CLASP2: variants seen among roughly 807,000 people sequenced by gnomAD.
CLASP2 encodes CLIP-associating protein 2.
In CLASP2, 47 loss-of-function variants were observed where a neutral mutation model predicts 194.4. That is an observed-to-expected ratio of 0.24 (90% CI 0.19 to 0.31). CLASP2 has a LOEUF of 0.31. Ranked by LOEUF, CLASP2 falls within the 10% of genes least tolerant of loss-of-function variation. CLASP2 has a pLI of 1.00. For synonymous variants in CLASP2, 619 were observed against 633.5 expected (o/e 0.98, Z 0.34); for missense variants, 1,445 against 1,823.6 (o/e 0.79, Z 3.78).
At chr3:33,670,562 G>A (rs2086975095) in intron 6 of CLASP2, among the ~76,000 whole-genome samples, 1 of 152,194 alleles carries the variant, frequency 6.6e-6, no homozygotes, top group African/African-American at 2.4e-5. Context: ...TCTTAGATCT[G>A]TAAGAAAAGT....
At chr3:33,650,984 T>C (rs746582189) in intron 7 of CLASP2, among the ~76,000 whole-genome samples, 44 of 152,336 alleles carry the variant, frequency 2.9e-4, no homozygotes, top group Admixed American at 6.5e-5. Flanking sequence ...TAAACTCATT[T>C]GGTGGCATTA....
At chr3:33,583,916 G>A (rs1210670729) in intron 22 of CLASP2, among the ~76,000 whole-genome samples, 1 of 152,110 alleles carries the variant, frequency 6.6e-6, no homozygotes. Flanking sequence ...AAGAGAGAGT[G>A]AGAGAAAGGG....
chr3:33,577,383 T>A lies in CLASP2; in HGVS notation c.2348-1108A>T, dbSNP rs374105454. ...TGGTGTTATTCTTTATAGTTAATGA[T>A]CAGAGTATTGCCAAATAGGGCAATG... On this transcript the variant is annotated intron_variant, in intron 23 of 38. Transcript: ENST00000682230. The A allele has an allele frequency of 1.5e-5, 11 of 753,726 alleles. 1 individual carries two copies. The highest frequency in any genetic ancestry group is 1.1e-4 in the East Asian group (4 of 35,140). The allele number at this position is 753,726 out of a possible 1,614,324, so 46.7% of individuals were successfully genotyped here.
intron 16 of CLASP2, among the ~76,000 whole-genome samples, chr3:33,606,126 TAC>T (rs1220034186): frequency 6.6e-6 from 1 of 151,938 alleles, no homozygotes; most frequent in Non-Finnish European, 1.5e-5. Flanking sequence ...AGAATGGAGT[TAC>T]AGAGAACTAA....
intron 34 of CLASP2, 84 bp from the exon 35 acceptor site, chr3:33,517,258 C>A: frequency 2.0e-6 from 2 of 997,144 alleles, no homozygotes; most frequent in Non-Finnish European, 1.4e-6. Flanking sequence ...TATGATGAAA[C>A]ACAGATATAA....
intron 26 of CLASP2, among the ~76,000 whole-genome samples, chr3:33,567,083 C>A (rs903060228): frequency 2.0e-5 from 3 of 152,196 alleles, no homozygotes; most frequent in Non-Finnish European, 4.4e-5. Flanking sequence ...CATACTCCCA[C>A]TTCTGAATGG....
chr3:33,678,859 A>T (rs1453429748), intron 6 of CLASP2, among the ~76,000 whole-genome samples: 1 of 152,208 alleles, frequency 6.6e-6, no homozygotes, highest in Admixed American at 6.5e-5. Context: ...TGATCTATGG[A>T]TTCAATGCAA....
intron 29 of CLASP2, among the ~76,000 whole-genome samples, chr3:33,555,826 G>A (rs1384684443): frequency 1.3e-5 from 2 of 152,200 alleles, no homozygotes; most frequent in Non-Finnish European, 2.9e-5. Context: ...GATTCAACTA[G>A]TGCAGTGCCT....
intron 2 of CLASP2, among the ~76,000 whole-genome samples, chr3:33,694,450 A>G (rs1415837824): frequency 6.6e-6 from 1 of 152,202 alleles, no homozygotes; most frequent in Non-Finnish European, 1.5e-5. Flanking sequence ...TCTCTGTAGC[A>G]ATTAATAACA....
Position 33,496,585 on chromosome 3 carries a change from C to T in CLASP2, c.*2046G>A, listed in dbSNP as rs2045811327. 1 of 152,098 alleles carries T rather than the reference C, an allele frequency of 6.6e-6. No homozygotes were observed. The highest frequency in any genetic ancestry group is 1.5e-5 in the Non-Finnish European group (1 of 68,016). 9.4% of individuals were successfully genotyped at this position (152,098 alleles called of 1,614,324 possible). On this transcript the variant is annotated 3_prime_UTR_variant, in exon 39 of 39. Coordinates refer to ENST00000682230, the MANE Select transcript of CLASP2 (RefSeq NM_001365631.1). The stretch of plus-strand genomic sequence containing the variant: ...TGTAGTTAATTCATTTCTTGAGTGC[C>T]TGCCTGCCATTAGATGCCAGGTGCT...
At chr3:33,706,177 C>T (rs1018910463) in intron 1 of CLASP2, among the ~76,000 whole-genome samples, 3 of 151,978 alleles carry the variant, frequency 2.0e-5, no homozygotes, top group Non-Finnish European at 2.9e-5. Context: ...GAGCCCGGGA[C>T]GTCAAGTCTG....
intron 16 of CLASP2, among the ~76,000 whole-genome samples, chr3:33,606,276 TC>T (rs1194998542): frequency 1.3e-5 from 2 of 152,112 alleles, no homozygotes; most frequent in African/African-American, 2.4e-5. Context: ...TTACAATTCC[TC>T]CATTAAATGG....
At chr3:33,637,515 G>A (rs1244439093) in intron 8 of CLASP2, among the ~76,000 whole-genome samples, 1 of 152,064 alleles carries the variant, frequency 6.6e-6, no homozygotes, top group African/African-American at 2.4e-5. Flanking sequence ...GCCTTAGCAA[G>A]AGAGCAAGAC....
At chr3:33,563,524 A>G (rs1471995291) in intron 27 of CLASP2, among the ~76,000 whole-genome samples, 1 of 152,218 alleles carries the variant, frequency 6.6e-6, no homozygotes, top group East Asian at 1.9e-4. Context: ...ACCAGGGTTC[A>G]GTAAACCATT....
At chr3:33,509,643 A>T (rs2049214885) in intron 37 of CLASP2, among the ~76,000 whole-genome samples, 1 of 152,228 alleles carries the variant, frequency 6.6e-6, no homozygotes, top group Non-Finnish European at 1.5e-5. Flanking sequence ...CATAATGATT[A>T]GTTCTCTTTA....
rs1010617258 is a variant in CLASP2 at position 33,551,337 on chromosome 3, T to C, written c.3068A>G (p.Asp1023Gly). Residue 1023 changes from aspartate (D) to glycine (G), a missense_variant, in exon 30 of 39, where the codon GAT becomes GGT. Transcript: ENST00000682230. ...ETLAKQMDPG[D>G]FINSSETRLA... Reference sequence around the variant, plus strand: ...GCGAGTTTCACTGGAATTTATAAAATCTCCTGGATCCATCTGTTTGGCCAG... The same window carrying C: ...GCGAGTTTCACTGGAATTTATAAAACCTCCTGGATCCATCTGTTTGGCCAG... The C allele has an allele frequency of 1.9e-6, 3 of 1,613,640 alleles. No homozygotes were observed. Among genetic ancestry groups the C allele is most frequent in the African/African-American group, 2.7e-5 (2 of 74,880 alleles).
At chr3:33,668,990 C>A (rs1025426524) in intron 6 of CLASP2, among the ~76,000 whole-genome samples, 3 of 152,060 alleles carry the variant, frequency 2.0e-5, no homozygotes, top group Non-Finnish European at 4.4e-5. Context: ...ATGATAAAAC[C>A]CCTATGAAGT....
rs375938796 is a variant in CLASP2 at position 33,524,044 on chromosome 3, A to T, written c.3788-6870T>A. On this transcript the variant is annotated intron_variant, in intron 34 of 38. Transcript: ENST00000682230. Reference sequence around the variant, plus strand: ...GTAATGTAAAAAGTGACAGGCTATAAGGCATACAGAAAACAAATAGCAACA... The same window carrying T: ...GTAATGTAAAAAGTGACAGGCTATATGGCATACAGAAAACAAATAGCAACA... Among the ~76,000 whole-genome samples, 5 of 152,216 alleles carry T rather than the reference A, an allele frequency of 3.3e-5. No individual in the cohort carries two copies. The East Asian group carries it at 9.6e-4, about 29-fold the overall frequency.
intron 34 of CLASP2, among the ~76,000 whole-genome samples, chr3:33,521,132 A>C (rs1221136737): frequency 6.6e-6 from 1 of 152,172 alleles, no homozygotes; most frequent in Non-Finnish European, 1.5e-5. Context: ...CTTCAAAATA[A>C]ATAAATAATG....
Sources: allele counts gnomAD v4.1 joint callset (sites outside exome capture counted in the v4.1 genomes callset), GRCh38; gene constraint gnomAD v4.1.1; transcripts MANE v1.5; gene names NCBI Gene and HGNC (gene_info 2026-07-23, HGNC 2026-07-21).